EDC4: variants seen among roughly 807,000 people sequenced by gnomAD.
EDC4 encodes the protein enhancer of mRNA decapping 4, also known as enhancer of mRNA-decapping protein 4.
Under a neutral mutation model 155.8 loss-of-function variants are expected in EDC4, and 64 were observed. The ratio of observed to expected loss-of-function variants is 0.41; its 90% CI spans 0.34 to 0.51. The LOEUF (loss-of-function observed/expected upper bound fraction) is 0.51, where lower values mean the gene tolerates loss of function less well. Ranked by LOEUF, EDC4 falls within the 20% of genes least tolerant of loss-of-function variation. The pLI is 0.19. For synonymous variants in EDC4, 684 were observed against 716.8 expected, an observed-to-expected ratio of 0.95 and a Z score of 0.73; for missense variants, 1,303 against 1,812.5, an observed-to-expected ratio of 0.72 and a Z score of 5.10.
chr16:67,877,925 C>T lies in EDC4; in HGVS notation c.894+80C>T, dbSNP rs1433490868. The T allele has an allele frequency of 9.9e-5, 155 of 1,572,594 alleles. 1 individual carries two copies. The Middle Eastern group carries it at 1.0e-3, about 10-fold the overall frequency. On this transcript the variant is annotated intron_variant, in intron 7 of 28. Coordinates refer to ENST00000358933, the MANE Select transcript of EDC4 (RefSeq NM_014329.5). The surrounding 1 kb of genome is among the most constrained non-coding windows in gnomAD (Gnocchi z 4.9). Reference sequence around the variant, plus strand: ...TCTGTTCCCTATATCCACAGCTGCCCGGGCAGCTTTACTAGCATTCTGCCC... The same window carrying T: ...TCTGTTCCCTATATCCACAGCTGCCTGGGCAGCTTTACTAGCATTCTGCCC...
In EDC4 at chr16:67,876,904, G is replaced by A; in HGVS notation, c.383G>A (p.Trp128Ter). 6.2e-7 allele frequency: 1 copy of A among 1,614,224 alleles called. No individual in the cohort carries two copies. Among genetic ancestry groups the A allele is most frequent in the Non-Finnish European group, 8.5e-7 (1 of 1,180,028 alleles). The change falls in exon 4 of 29, where the codon TGG becomes TAG. Residue 128 changes from tryptophan to a stop codon, truncating the protein, a stop_gained. Transcript: ENST00000358933. LOFTEE classifies it high-confidence loss of function. This position sits in a 1 kb window ranked among gnomAD's most constrained non-coding sequence, Gnocchi z 5.8. ...VKIQPVAKYDWEQKYYYGNLI... is the reference protein window; with the variant it reads ...VKIQPVAKYD The stretch of plus-strand genomic sequence containing the variant: ...ATTCAGCCTGTCGCCAAGTATGACT[G>A]GGAACAGAAGTACTACTATGGCAAC...
In EDC4 at chr16:67,883,124, G is replaced by A; in HGVS notation, c.3796G>A (p.Ala1266Thr). Reference protein sequence around the residue: ...SAHLDCQAQQAHILQLLQQGH... With the variant: ...SAHLDCQAQQTHILQLLQQGH... ...CCACCTTGACTGCCAGGCCCAGCAAGCCCATATCCTGCAGCTGCTGCAGCA... is the reference window on the plus strand; with the variant it reads ...CCACCTTGACTGCCAGGCCCAGCAAACCCATATCCTGCAGCTGCTGCAGCA... The change falls in exon 27 of 29, where the codon GCC becomes ACC. Residue 1266 changes from alanine (A) to threonine (T), a missense_variant. This residue lies in a region of EDC4 where 527 missense variants were observed against 757.0 expected (regional missense o/e 0.70). Transcript: ENST00000358933. This position sits in a 1 kb window ranked among gnomAD's most constrained non-coding sequence, Gnocchi z 5.3. 1 of 1,608,128 alleles carries A rather than the reference G, an allele frequency of 6.2e-7. No homozygotes were observed. Among genetic ancestry groups the A allele is most frequent in the Non-Finnish European group, 8.5e-7 (1 of 1,177,984 alleles).
Position 67,879,689 on chromosome 16 carries a change from C to T in EDC4, c.1736C>T (p.Ala579Val), listed in dbSNP as rs775836848. ...CGAATCGTGGAGCTGCCTGCACCTG[C>T]CGACTTCCTCAGTCTGAGCAGTGAG... ...LRRIVELPAP[A>V]DFLSLSSETK... Residue 579 changes from alanine (A) to valine (V), a missense_variant, in exon 15 of 29, where the codon GCC becomes GTC. Physicochemically the swap from Ala to Val is moderately conservative, Grantham distance 64. Around this residue, in one of 5 missense-constraint regions of EDC4, gnomAD observed 391 missense variants for 445.4 expected, o/e 0.88. Transcript: ENST00000358933. The surrounding 1 kb of genome is among the most constrained non-coding windows in gnomAD (Gnocchi z 6.0). 6.2e-7 allele frequency: 1 copy of T among 1,614,186 alleles called. No homozygotes were observed.
rs2058079142 is a variant in EDC4, at chr16:67,883,386, T to C, written c.3850-182T>C. The C allele has an allele frequency of 1.6e-6, 2 of 1,278,410 alleles. No individual in the cohort carries two copies. Among genetic ancestry groups the C allele is most frequent in the East Asian group, 4.7e-5 (2 of 42,940 alleles). The allele number at this position is 1,278,410 out of a possible 1,614,324, so 79.2% of individuals were successfully genotyped here. On this transcript the variant is annotated intron_variant, in intron 27 of 28. Coordinates refer to ENST00000358933, the MANE Select transcript of EDC4 (RefSeq NM_014329.5). The surrounding 1 kb of genome is among the most constrained non-coding windows in gnomAD (Gnocchi z 5.3). ...GCCCACCTTGCTTTACAACTACCCT[T>C]CTCAGGAACCCATTTCCCAATCCCC...
chr16:67,874,304 G>A (rs776883425), intron 1 of EDC4, among the ~76,000 whole-genome samples: 86 of 152,204 alleles, frequency 5.7e-4, no homozygotes, highest in Non-Finnish European at 1.0e-3. Flanking sequence ...GTGGAGAATT[G>A]TGTTTCCTCA....
Position 67,879,299 on chromosome 16 carries a change from G to T in EDC4, c.1531G>T (p.Val511Leu), listed in dbSNP as rs752103327. 6.2e-7 allele frequency: 1 copy of T among 1,614,200 alleles called. No homozygotes were observed. The highest frequency in any genetic ancestry group is 2.2e-5 in the East Asian group (1 of 44,882). Residue 511 changes from valine to leucine, a missense_variant, in exon 13 of 29, where the codon GTG becomes TTG. Coordinates refer to ENST00000358933, the MANE Select transcript of EDC4 (RefSeq NM_014329.5). This position sits in a 1 kb window ranked among gnomAD's most constrained non-coding sequence, Gnocchi z 6.0. Reference sequence around the variant, plus strand: ...CGGTGTGCTCATCAAGCTCTTTTGTGTGCATACTAAGTGAGTGAGTGGGGA... The same window carrying T: ...CGGTGTGCTCATCAAGCTCTTTTGTTTGCATACTAAGTGAGTGAGTGGGGA... ...AAGVLIKLFCVHTKALQDVQI... is the reference protein window; with the variant it reads ...AAGVLIKLFCLHTKALQDVQI...
chr16:67,880,023 C>T lies in EDC4; in HGVS notation c.1944-40C>T, dbSNP rs2058059054. 3.8e-6 allele frequency: 6 copies of T among 1,587,918 alleles called. 1 individual carries two copies. The East Asian group carries it at 1.3e-4, about 36-fold the overall frequency. On this transcript the variant is annotated intron_variant, in intron 16 of 28. Coordinates refer to ENST00000358933, the MANE Select transcript of EDC4 (RefSeq NM_014329.5). The surrounding 1 kb of genome is among the most constrained non-coding windows in gnomAD (Gnocchi z 5.2). ...TGGCAGGGGCTGGTACCAGATGATG[C>T]CAAGCTCTGGCTGCTGACACCTCAG...
Position 67,882,664 on chromosome 16 carries a change from G to A in EDC4, c.3443-15G>A, listed in dbSNP as rs758565921. The A allele has an allele frequency of 6.2e-7, 1 of 1,614,228 alleles. No individual in the cohort carries two copies. The highest frequency in any genetic ancestry group is 8.5e-7 in the Non-Finnish European group (1 of 1,180,044). ...TCCTACTGTTCCTCTTATAGTCCCT[G>A]TGGTCACCCCTCAGACTTGCAGCAG... On this transcript the variant is annotated splice_polypyrimidine_tract_variant and intron_variant, in intron 25 of 28. Coordinates refer to ENST00000358933, the MANE Select transcript of EDC4 (RefSeq NM_014329.5). The surrounding 1 kb of genome is among the most constrained non-coding windows in gnomAD (Gnocchi z 7.2).
chr16:67,877,231 T>C lies in EDC4; in HGVS notation c.466T>C (p.Ser156Pro). The part of the protein sequence containing the change: ...AYAIRAANNG[S>P]AMVRVISVST... ...CCTGATTCCAGCTGCCAACAATGGCTCTGCCATGGTGCGGGTGATCAGCGT... is the reference window on the plus strand; with the variant it reads ...CCTGATTCCAGCTGCCAACAATGGCCCTGCCATGGTGCGGGTGATCAGCGT... Residue 156 changes from serine (S) to proline (P), a missense_variant, in exon 5 of 29, where the codon TCT becomes CCT. By Grantham distance (74) the Ser-to-Pro change is moderately conservative. Around this residue, in one of 5 missense-constraint regions of EDC4, gnomAD observed 51 missense variants for 121.1 expected, o/e 0.42. Transcript: ENST00000358933. The surrounding 1 kb of genome is among the most constrained non-coding windows in gnomAD (Gnocchi z 4.9). 6.2e-7 allele frequency: 1 copy of C among 1,613,476 alleles called. No homozygotes were observed. The highest frequency in any genetic ancestry group is 2.2e-5 in the East Asian group (1 of 44,866).
rs975252809 is a variant in EDC4 at position 67,883,332 on chromosome 16, C to T, written c.3849+155C>T. The T allele has an allele frequency of 7.4e-7, 1 of 1,348,956 alleles. No homozygotes were observed. The highest frequency in any genetic ancestry group is 9.9e-7 in the Non-Finnish European group (1 of 1,006,362). 83.6% of individuals were successfully genotyped at this position (1,348,956 alleles called of 1,614,324 possible). ...TCCAGGCCATTGTCCCTGCTGCTTC[C>T]TCTTCCTGGACCCCTTTCTTCCCAC... On this transcript the variant is annotated intron_variant, in intron 27 of 28. Coordinates refer to ENST00000358933, the MANE Select transcript of EDC4 (RefSeq NM_014329.5). This position sits in a 1 kb window ranked among gnomAD's most constrained non-coding sequence, Gnocchi z 5.3.
At position 67,880,782 on chromosome 16, in the gene EDC4, G is replaced by GCACT; in HGVS notation, c.2324_2327dup (p.His777ThrfsTer21). ...AGACAGTATGGCTTCAGCCGCCTCG[G>GCACT]CACTGCACCTGCTGTCCCCACGGCC... On this transcript the variant is annotated frameshift_variant, in exon 18 of 29. Coordinates refer to ENST00000358933, the MANE Select transcript of EDC4 (RefSeq NM_014329.5). LOFTEE classifies it high-confidence loss of function. The surrounding 1 kb of genome is among the most constrained non-coding windows in gnomAD (Gnocchi z 5.2). 6.2e-7 allele frequency: 1 copy of GCACT among 1,614,048 alleles called. No individual in the cohort carries two copies. The highest frequency in any genetic ancestry group is 8.5e-7 in the Non-Finnish European group (1 of 1,180,028).
In EDC4 at chr16:67,880,583, C is replaced by T; in HGVS notation, c.2124C>T (p.Ser708=). 6 of 1,614,106 alleles carry T rather than the reference C, an allele frequency of 3.7e-6. No homozygotes were observed. The highest frequency in any genetic ancestry group is 5.1e-6 in the Non-Finnish European group (6 of 1,180,000). The change falls in exon 18 of 29, where the codon TCC becomes TCT. Residue 708 remains serine (S), a synonymous_variant. Coordinates refer to ENST00000358933, the MANE Select transcript of EDC4 (RefSeq NM_014329.5). This position sits in a 1 kb window ranked among gnomAD's most constrained non-coding sequence, Gnocchi z 5.2. ...TGCCTACTGCCACCTCTGCACTGTCCCTGGAGCTGCAGGAAGTGGAGCCCC... is the reference window on the plus strand; with the variant it reads ...TGCCTACTGCCACCTCTGCACTGTCTCTGGAGCTGCAGGAAGTGGAGCCCC... The part of the protein sequence containing the change: ...GQVPTATSAL[S]LELQEVEPLG...
chr16:67,875,663 G>A, intron 1 of EDC4: 9 of 1,122,636 alleles, frequency 8.0e-6, no homozygotes, highest in Non-Finnish European at 1.0e-5. Flanking sequence ...AGTCCACAGA[G>A]TTCTTCTGTA....
Position 67,875,946 on chromosome 16 carries a change from C to CG in EDC4, c.84_85insG (p.Pro29AlafsTer29). 6.2e-7 allele frequency: 1 copy of CG among 1,613,030 alleles called. No homozygotes were observed. The highest frequency in any genetic ancestry group is 8.5e-7 in the Non-Finnish European group (1 of 1,179,606). Reference sequence around the variant, plus strand: ...CAGAATGACCCTCTTTGTCCCCAGGCCCCAGTGCAGAGAGCCCACGGCCAT... The same window carrying CG: ...CAGAATGACCCTCTTTGTCCCCAGGCGCCCAGTGCAGAGAGCCCACGGCCAT... On this transcript the variant is annotated frameshift_variant and splice_region_variant, in exon 2 of 29. Transcript: ENST00000358933. LOFTEE classifies it high-confidence loss of function.
chr16:67,876,200 C>T lies in EDC4; in HGVS notation c.239+99C>T. On this transcript the variant is annotated intron_variant, in intron 2 of 28. Transcript: ENST00000358933. This position sits in a 1 kb window ranked among gnomAD's most constrained non-coding sequence, Gnocchi z 5.8. The stretch of plus-strand genomic sequence containing the variant: ...GAGTGAGCGGGGCCAGCAGCCTCTG[C>T]TGCTTCCTCTCTAGATGACCTGGGG... 7.5e-7 allele frequency: 1 copy of T among 1,330,118 alleles called. No homozygotes were observed. The highest frequency in any genetic ancestry group is 1.3e-5 in the South Asian group (1 of 75,916). 82.4% of individuals were successfully genotyped at this position (1,330,118 alleles called of 1,614,324 possible).
Position 67,879,054 on chromosome 16 carries a change from T to A in EDC4, c.1385T>A (p.Phe462Tyr). 6.2e-7 allele frequency: 1 copy of A among 1,613,218 alleles called. No individual in the cohort carries two copies. The highest frequency in any genetic ancestry group is 1.1e-5 in the South Asian group (1 of 91,078). ...EFLLTHPVLS[F>Y]GIQVVSRCRL... The stretch of plus-strand genomic sequence containing the variant: ...CTGCTCACCCACCCTGTGCTGAGCT[T>A]TGGTATCCAGGTTGTGAGTCGCTGC... Residue 462 changes from phenylalanine (F) to tyrosine (Y), a missense_variant, in exon 12 of 29, where the codon TTT becomes TAT. Around this residue, in one of 5 missense-constraint regions of EDC4, gnomAD observed 235 missense variants for 367.7 expected, o/e 0.64. Transcript: ENST00000358933. The surrounding 1 kb of genome is among the most constrained non-coding windows in gnomAD (Gnocchi z 6.0).
In EDC4 at chr16:67,879,701, G is replaced by A. The variant is rs751609531; in HGVS notation, c.1748G>A (p.Ser583Asn). 6.2e-7 allele frequency: 1 copy of A among 1,614,182 alleles called. No individual in the cohort carries two copies. Residue 583 changes from serine to asparagine, a missense_variant, in exon 15 of 29, where the codon AGT (serine) becomes AAT (asparagine). Transcript: ENST00000358933. The surrounding 1 kb of genome is among the most constrained non-coding windows in gnomAD (Gnocchi z 6.0). ...CTGCCTGCACCTGCCGACTTCCTCAGTCTGAGCAGTGAGACCAAGCCCAAG... is the reference window on the plus strand; with the variant it reads ...CTGCCTGCACCTGCCGACTTCCTCAATCTGAGCAGTGAGACCAAGCCCAAG... ...VELPAPADFLSLSSETKPKLM... is the reference protein window; with the variant it reads ...VELPAPADFLNLSSETKPKLM...
chr16:67,883,181 C>A lies in EDC4; in HGVS notation c.3849+4C>A. 6.4e-7 allele frequency: 1 copy of A among 1,566,514 alleles called. No homozygotes were observed. ...CCTCAATCAGGCCTTCCAGCAGGTA[C>A]GATAGGCATTAGGCCCTGCTAAGGG... On this transcript the variant is annotated splice_donor_region_variant and intron_variant, in intron 27 of 28. Coordinates refer to ENST00000358933, the MANE Select transcript of EDC4 (RefSeq NM_014329.5). This position sits in a 1 kb window ranked among gnomAD's most constrained non-coding sequence, Gnocchi z 5.3.
chr16:67,880,006 G>A lies in EDC4; in HGVS notation c.1943+35G>A. On this transcript the variant is annotated intron_variant, in intron 16 of 28. Coordinates refer to ENST00000358933, the MANE Select transcript of EDC4 (RefSeq NM_014329.5). This position sits in a 1 kb window ranked among gnomAD's most constrained non-coding sequence, Gnocchi z 5.2. ...GGGTCAGAGATGGAGGATGGCAGGG[G>A]CTGGTACCAGATGATGCCAAGCTCT... The A allele has an allele frequency of 6.3e-7, 1 of 1,591,530 alleles. No individual in the cohort carries two copies. The highest frequency in any genetic ancestry group is 8.6e-7 in the Non-Finnish European group (1 of 1,165,368).
Sources: gnomAD v4.1 joint callset for allele counts (sites outside exome capture counted in the v4.1 genomes callset) on GRCh38, gnomAD v4.1.1 for gene constraint, gnomAD v4.1.1 regional missense constraint, Gnocchi (gnomAD v3.1) non-coding constraint, MANE v1.5 for transcripts, NCBI Gene and HGNC (gene_info 2026-07-23, HGNC 2026-07-21) for gene names.